TRAP1: variants seen among roughly 807,000 people sequenced by gnomAD.
The protein encoded by TRAP1 is heat shock protein 75 kDa, mitochondrial.
A neutral mutation model predicts 89.1 loss-of-function variants in TRAP1; 102 were observed. The ratio of observed to expected loss-of-function variants is 1.15; its 90% CI spans 0.98 to 1.35. The LOEUF is 1.35. Among genes scored for constraint, TRAP1 ranks in the 40% most tolerant of loss-of-function variants. The pLI, the probability that TRAP1 is intolerant of heterozygous loss-of-function variation, is 0.00. For missense variants in TRAP1, 1,256 were observed against 945.3 expected, an observed-to-expected ratio of 1.33 and a Z score of -4.31; for synonymous variants, 508 against 388.0, an observed-to-expected ratio of 1.31 and a Z score of -3.64.
At chr16:3,658,300 A>G (rs2042841808) in intron 17 of TRAP1, 70 bp from the exon 18 acceptor site, 2 of 1,251,820 alleles carry the variant, frequency 1.6e-6, no homozygotes, top group Non-Finnish European at 1.1e-6. Context: ...TTTTTGAGAC[A>G]GAGTCTCACT....
intron 5 of TRAP1, 135 bp from the exon 6 acceptor site, chr16:3,677,793 A>T: frequency 9.9e-7 from 1 of 1,012,648 alleles, no homozygotes; most frequent in East Asian, 2.6e-5. Context: ...TTTCCACCCC[A>T]TTCTACACGT....
chr16:3,667,210 C>T (rs191477791), intron 11 of TRAP1, among the ~76,000 whole-genome samples: 5 of 151,996 alleles, frequency 3.3e-5, no homozygotes, highest in African/African-American at 1.2e-4. Context: ...AGGCTGGGGG[C>T]GTGACCAGCC....
chr16:3,658,340 T>C (rs923479775), intron 17 of TRAP1, 110 bp from the exon 18 acceptor site: 9 of 873,350 alleles, frequency 1.0e-5, no homozygotes, highest in Non-Finnish European at 1.6e-5. Context: ...AGAGGCACGA[T>C]CTCGGCTCAC....
rs568797765 is a variant in TRAP1, at chr16:3,701,609, T to C, written c.89-10624A>G. Among the ~76,000 whole-genome samples the C allele has an allele frequency of 2.0e-5, 3 of 149,030 alleles. No individual in the cohort carries two copies. The East Asian group carries it at 5.9e-4, about 29-fold the overall frequency. ...GAAGAAAAACCTGGGGCAAAAGATA[T>C]GAACGGCATTTCACAGTGGCTACAG... On this transcript the variant is annotated intron_variant, in intron 1 of 17. Transcript: ENST00000246957.
intron 1 of TRAP1, among the ~76,000 whole-genome samples, chr16:3,699,627 C>T (rs2051338103): frequency 1.1e-5 from 1 of 90,080 alleles, no homozygotes; most frequent in Admixed American, 1.3e-4. Context: ...GAAACTCCGT[C>T]TCAAAAAAAA....
chr16:3,658,080 G>T lies in TRAP1; in HGVS notation c.*49C>A, dbSNP rs200677183. The T allele has an allele frequency of 6.2e-7, 1 of 1,610,730 alleles. No individual in the cohort carries two copies. Among genetic ancestry groups the T allele is most frequent in the South Asian group, 1.1e-5 (1 of 90,838 alleles). On this transcript the variant is annotated 3_prime_UTR_variant, in exon 18 of 18. Transcript: ENST00000246957. ...TTAAATTTAGGTAAATAAAGCTCAAGGAGGTGGGGCTGTCATCTGTGGTGT... is the reference window on the plus strand; with the variant it reads ...TTAAATTTAGGTAAATAAAGCTCAATGAGGTGGGGCTGTCATCTGTGGTGT...
intron 16 of TRAP1, chr16:3,661,045 T>C (rs1463400331): frequency 6.6e-6 from 1 of 152,156 alleles, no homozygotes; most frequent in Non-Finnish European, 1.5e-5. Flanking sequence ...TTTTAAAAAA[T>C]TGCTACATTC....
chr16:3,662,731 G>T (rs557944155), intron 15 of TRAP1, 151 bp downstream of exon 15: 1 of 745,256 alleles, frequency 1.3e-6, no homozygotes, highest in South Asian at 1.5e-5. Flanking sequence ...AACACGTGCC[G>T]AGCAGGGACC....
intron 16 of TRAP1, chr16:3,661,115 T>C (rs920473733): frequency 1.3e-5 from 2 of 151,876 alleles, no homozygotes; most frequent in Admixed American, 6.6e-5. Flanking sequence ...AGTTAGAAAA[T>C]GAAATTTTAA....
chr16:3,671,836 A>T, intron 10 of TRAP1, 45 bp from the exon 11 acceptor site: 1 of 1,585,450 alleles, frequency 6.3e-7, no homozygotes, highest in Non-Finnish European at 8.6e-7. Flanking sequence ...GCGGCCCTCC[A>T]CACCACCCAA....
chr16:3,663,898 AT>A, intron 13 of TRAP1: 1 of 359,620 alleles, frequency 2.8e-6, no homozygotes. Flanking sequence ...TGCCGTCTCT[AT>A]TAAAAATACA....
At chr16:3,694,227 G>C (rs2051256493) in intron 1 of TRAP1, among the ~76,000 whole-genome samples, 1 of 152,066 alleles carries the variant, frequency 6.6e-6, no homozygotes, top group African/African-American at 2.4e-5. Context: ...CGGATACCAG[G>C]AATACTGGAG....
At chr16:3,672,008 A>G (rs2050920655) in intron 10 of TRAP1, among the ~76,000 whole-genome samples, 1 of 152,234 alleles carries the variant, frequency 6.6e-6, no homozygotes, top group African/African-American at 2.4e-5. Context: ...CCTCGGGGTA[A>G]CACTCGGAAA....
At position 3,677,561 on chromosome 16, in the gene TRAP1, C is replaced by CT; in HGVS notation, c.640dup (p.Arg214LysfsTer27). 6.2e-7 allele frequency: 1 copy of CT among 1,614,202 alleles called. No homozygotes were observed. The highest frequency in any genetic ancestry group is 1.1e-5 in the South Asian group (1 of 91,086). On this transcript the variant is annotated frameshift_variant, in exon 6 of 18. Coordinates refer to ENST00000246957, the MANE Select transcript of TRAP1 (RefSeq NM_016292.3). LOFTEE classifies it high-confidence loss of function. The stretch of plus-strand genomic sequence containing the variant: ...TGCCGAGCGGGAATAGACCTCCACT[C>CT]TGTCAGCCACCATGAAAGCTGAGTA...
intron 1 of TRAP1, among the ~76,000 whole-genome samples, chr16:3,699,058 TG>T (rs1303209674): frequency 6.6e-6 from 1 of 152,182 alleles, no homozygotes; most frequent in Non-Finnish European, 1.5e-5. Flanking sequence ...TTAAACTATC[TG>T]GTGGTTTGGG....
intron 8 of TRAP1, chr16:3,674,861 G>A: frequency 2.9e-6 from 1 of 345,354 alleles, no homozygotes; most frequent in Non-Finnish European, 5.4e-6. Flanking sequence ...GGGGAAGTCA[G>A]TCACTGAGGA....
At chr16:3,662,720 C>G (rs1358664795) in intron 15 of TRAP1, 162 bp downstream of exon 15, 1 of 721,258 alleles carries the variant, frequency 1.4e-6, no homozygotes, top group South Asian at 1.5e-5. Flanking sequence ...CACTCCCGAG[C>G]AACACGTGCC....
intron 8 of TRAP1, chr16:3,674,738 C>G: frequency 1.8e-6 from 1 of 548,048 alleles, no homozygotes; most frequent in Non-Finnish European, 3.3e-6. Flanking sequence ...CCAGCCGGGA[C>G]CTGAGGGGGC....
chr16:3,677,475 G>C, intron 6 of TRAP1, 23 bp downstream of exon 6: 1 of 1,614,114 alleles, frequency 6.2e-7, no homozygotes, highest in East Asian at 2.2e-5. Context: ...TGAGCTGCCT[G>C]TCAGGCGACA....
Sources: allele counts gnomAD v4.1 joint callset (sites outside exome capture counted in the v4.1 genomes callset), GRCh38; gene constraint gnomAD v4.1.1; transcripts MANE v1.5; gene names NCBI Gene and HGNC (gene_info 2026-07-23, HGNC 2026-07-21).